LRP1B: variants seen among roughly 807,000 people sequenced by gnomAD.
LRP1B encodes the protein low-density lipoprotein receptor-related protein 1B.
Under a neutral mutation model 556.6 loss-of-function variants are expected in LRP1B, and 217 were observed. That is an observed-to-expected ratio of 0.39 (90% confidence interval 0.35 to 0.44). The LOEUF (loss-of-function observed/expected upper bound fraction) is 0.44, where lower values mean the gene tolerates loss of function less well. Among genes scored for constraint, LRP1B ranks in the 20% least tolerant of loss-of-function variants. The pLI is 1.00. For missense variants in LRP1B, 5,053 were observed against 5,620.8 expected (o/e 0.90, Z 3.23); for synonymous variants, 2,047 against 1,865.8 (o/e 1.10, Z -2.50).
At chr2:140,322,755 T>TTTCA (rs1315829339) in intron 81 of LRP1B, among the ~76,000 whole-genome samples, 1 of 151,996 alleles carries the variant, frequency 6.6e-6, no homozygotes, top group Non-Finnish European at 1.5e-5. Context: ...CTAGAGATTA[T>TTTCA]TTCATCAGAA....
intron 3 of LRP1B, among the ~76,000 whole-genome samples, chr2:141,280,279 G>A (rs1190595467): frequency 1.3e-4 from 19 of 151,998 alleles, no homozygotes. Flanking sequence ...GCTTCCATAT[G>A]ACGAGTTATT....
intron 1 of LRP1B, among the ~76,000 whole-genome samples, chr2:142,119,662 T>G (rs1707385471): frequency 6.6e-6 from 1 of 152,112 alleles, no homozygotes; most frequent in Non-Finnish European, 1.5e-5. Context: ...AAATAGTGTA[T>G]TCCTTTCTCT....
chr2:140,964,903 G>A (rs916496849), intron 18 of LRP1B, among the ~76,000 whole-genome samples: 2 of 152,126 alleles, frequency 1.3e-5, no homozygotes, highest in African/African-American at 4.8e-5. Context: ...AAAGCGAGCT[G>A]AGACTGCGTC....
chr2:141,467,849 G>GGGCGGGT, intron 3 of LRP1B, among the ~76,000 whole-genome samples: 1 of 107,038 alleles, frequency 9.3e-6, no homozygotes, highest in Non-Finnish European at 2.0e-5. Flanking sequence ...CGGGGGGGGG[G>GGGCGGGT]GAATTCCAGC....
intron 18 of LRP1B, among the ~76,000 whole-genome samples, chr2:140,972,210 A>C (rs1229439755): frequency 6.6e-6 from 1 of 152,208 alleles, no homozygotes; most frequent in East Asian, 1.9e-4. Context: ...ACTTAGCAGA[A>C]GCTTGCATAC....
In LRP1B at chr2:141,108,848, A is replaced by G. The variant is rs375345999; in HGVS notation, c.1014-46575T>C. 9.2e-5 allele frequency among the ~76,000 whole-genome samples: 14 copies of G among 152,160 alleles called. No homozygotes were observed. In the East Asian group the frequency reaches 1.5e-3, roughly 17 times the overall value. ...GTATGTGGGCCAAGCTTCCTTTGGG[A>G]TATATTTAGTTGATAGTTTAAATGA... On this transcript the variant is annotated intron_variant, in intron 7 of 90. Coordinates refer to ENST00000389484, the MANE Select transcript of LRP1B (RefSeq NM_018557.3).
intron 11 of LRP1B, among the ~76,000 whole-genome samples, chr2:141,024,196 T>C (rs1046739989): frequency 5.9e-5 from 9 of 152,158 alleles, no homozygotes; most frequent in Admixed American, 2.0e-4. Context: ...AGCTGTCTCA[T>C]GGGGTTTCAA....
intron 1 of LRP1B, among the ~76,000 whole-genome samples, chr2:141,879,426 C>T (rs1698880525): frequency 6.6e-6 from 1 of 151,826 alleles, no homozygotes. Flanking sequence ...CATTAATTTT[C>T]CATAGTGCTT....
At chr2:141,320,445 C>T (rs1398412304) in intron 3 of LRP1B, among the ~76,000 whole-genome samples, 4 of 151,846 alleles carry the variant, frequency 2.6e-5, no homozygotes, top group Admixed American at 6.6e-5. Context: ...GGAGTACGGG[C>T]GGTGAGGGGA....
intron 43 of LRP1B, among the ~76,000 whole-genome samples, chr2:140,577,976 C>T (rs1057409549): frequency 1.3e-5 from 2 of 151,888 alleles, no homozygotes; most frequent in Non-Finnish European, 2.9e-5. Context: ...AAATGATGTT[C>T]AATAGTTTAA....
rs764046746 is a variant in LRP1B at position 140,950,444 on chromosome 2, T to A, written c.2969-42A>T. 4.0e-6 allele frequency: 6 copies of A among 1,510,070 alleles called. No individual in the cohort carries two copies. In the South Asian group the frequency reaches 7.5e-5, roughly 19 times the overall value. 93.5% of individuals were successfully genotyped at this position (1,510,070 alleles called of 1,614,324 possible). ...ACATGAGGCAGTGAAATCTGAACCA[T>A]GAAGAAATTTTTTCTTATGAAATAT... On this transcript the variant is annotated intron_variant, in intron 19 of 90. Transcript: ENST00000389484.
intron 1 of LRP1B, among the ~76,000 whole-genome samples, chr2:141,948,205 A>G (rs977520537): frequency 6.6e-6 from 1 of 152,068 alleles, no homozygotes; most frequent in African/African-American, 2.4e-5. Context: ...AGGCTGGAAC[A>G]TGAGAATTCC....
At chr2:140,565,069 AT>A (rs893365904) in intron 43 of LRP1B, among the ~76,000 whole-genome samples, 7 of 139,460 alleles carry the variant, frequency 5.0e-5, no homozygotes, top group Non-Finnish European at 9.5e-5. Flanking sequence ...AGAAAAACAG[AT>A]TTTTTTTCAC....
chr2:140,339,671 A>G (rs545072070), intron 77 of LRP1B, among the ~76,000 whole-genome samples: 1 of 151,792 alleles, frequency 6.6e-6, no homozygotes, highest in Non-Finnish European at 1.5e-5. Context: ...CAATGAGTGG[A>G]TGTAAAATAA....
At chr2:141,739,371 T>C (rs1272018253) in intron 2 of LRP1B, among the ~76,000 whole-genome samples, 1 of 151,992 alleles carries the variant, frequency 6.6e-6, no homozygotes, top group Non-Finnish European at 1.5e-5. Flanking sequence ...AATGAATAAA[T>C]AAGCACACAA....
chr2:141,022,741 A>G (rs1159771189), intron 11 of LRP1B, among the ~76,000 whole-genome samples: 1 of 152,020 alleles, frequency 6.6e-6, no homozygotes, highest in Non-Finnish European at 1.5e-5. Context: ...TATTAGCTTG[A>G]GGAAACACAT....
At chr2:141,278,593 G>T (rs181930729) in intron 3 of LRP1B, among the ~76,000 whole-genome samples, 1 of 152,198 alleles carries the variant, frequency 6.6e-6, no homozygotes, top group Non-Finnish European at 1.5e-5. Context: ...TAACACTATG[G>T]CTAAAATGAT....
chr2:142,001,108 G>C (rs752984429), intron 1 of LRP1B, among the ~76,000 whole-genome samples: 2 of 151,884 alleles, frequency 1.3e-5, no homozygotes, highest in African/African-American at 2.4e-5. Context: ...TGTGCTTTTC[G>C]CCTTCCACCA....
At chr2:142,116,092 C>A (rs535768804) in intron 1 of LRP1B, among the ~76,000 whole-genome samples, 1 of 143,666 alleles carries the variant, frequency 7.0e-6, no homozygotes, top group Admixed American at 7.2e-5. Flanking sequence ...TTGCATATGC[C>A]TGTAGTCCCA....
Sources: gnomAD v4.1 joint callset for allele counts (sites outside exome capture counted in the v4.1 genomes callset) on GRCh38, gnomAD v4.1.1 for gene constraint, MANE v1.5 for transcripts, NCBI Gene and HGNC (gene_info 2026-07-23, HGNC 2026-07-21) for gene names.